TNFRSF9: variants seen among roughly 807,000 people sequenced by gnomAD.
TNFRSF9 encodes tumor necrosis factor receptor superfamily member 9.
TNFRSF9 carries 16 observed loss-of-function variants against 28.8 expected under a neutral mutation model. That is an observed-to-expected ratio of 0.55 (90% CI 0.38 to 0.84). The LOEUF is 0.84. Ranked by LOEUF, TNFRSF9 falls within the 40% of genes least tolerant of loss-of-function variation. The probability of loss-of-function intolerance (pLI) is 0.00; values close to 1 mark genes in which losing one functional copy is unlikely to be tolerated. For missense variants in TNFRSF9, 303 were observed against 315.0 expected (o/e 0.96, Z 0.29); for synonymous variants, 131 against 117.0 (o/e 1.12, Z -0.77).
Position 7,916,982 on chromosome 1 carries a change from T to C in TNFRSF9, c.*3853A>G, listed in dbSNP as rs984607480. 3 of 152,108 alleles carry C rather than the reference T, an allele frequency of 2.0e-5. No homozygotes were observed. Among genetic ancestry groups the C allele is most frequent in the African/African-American group, 7.2e-5 (3 of 41,392 alleles). 9.4% of individuals were successfully genotyped at this position (152,108 alleles called of 1,614,324 possible). ...TTTCGCTCTGTCACCCAGGCTGGAG[T>C]GCAATGGTACGATCTCGGCTCACTG... On this transcript the variant is annotated 3_prime_UTR_variant, in exon 8 of 8. Coordinates refer to ENST00000377507, the MANE Select transcript of TNFRSF9 (RefSeq NM_001561.6).
chr1:7,923,451 C>T (rs1036842853), intron 7 of TNFRSF9, among the ~76,000 whole-genome samples: 5 of 152,178 alleles, frequency 3.3e-5, no homozygotes, highest in African/African-American at 7.2e-5. Context: ...AGAACCCAAA[C>T]TTCCTCCACC....
At position 7,940,067 on chromosome 1, in the gene TNFRSF9, A is replaced by C; in HGVS notation, c.-73T>G. ...AATTTTAATCAAATTAGCTGGTCTC[A>C]CAAATGTCACTCTGCAAAAGATAAA... On this transcript the variant is annotated 5_prime_UTR_variant, in exon 2 of 8. Coordinates refer to ENST00000377507, the MANE Select transcript of TNFRSF9 (RefSeq NM_001561.6). 3.8e-6 allele frequency: 4 copies of C among 1,052,270 alleles called. No individual in the cohort carries two copies. Among genetic ancestry groups the C allele is most frequent in the Non-Finnish European group, 5.8e-6 (4 of 694,804 alleles). 65.2% of individuals were successfully genotyped at this position (1,052,270 alleles called of 1,614,324 possible).
rs951355910 is a variant in TNFRSF9, at chr1:7,920,067, C to A, written c.*768G>T. 10 of 152,186 alleles carry A rather than the reference C, an allele frequency of 6.6e-5. No individual in the cohort carries two copies. Among genetic ancestry groups the A allele is most frequent in the Non-Finnish European group, 1.3e-4 (9 of 68,038 alleles). The allele number at this position is 152,186 out of a possible 1,614,324, so 9.4% of individuals were successfully genotyped here. A position where few individuals can be genotyped will look rare whatever the true frequency, so the allele number is the denominator to read the frequency against. ...AACTCAGGCACTCTGCTCATACTCC[C>A]CCCTGACGGTGGAGCATGTCGTGTT... On this transcript the variant is annotated 3_prime_UTR_variant, in exon 8 of 8. Coordinates refer to ENST00000377507, the MANE Select transcript of TNFRSF9 (RefSeq NM_001561.6).
chr1:7,935,256 G>C, intron 5 of TNFRSF9, 113 bp from the exon 6 acceptor site: 2 of 1,238,826 alleles, frequency 1.6e-6, no homozygotes, highest in Non-Finnish European at 2.2e-6. Flanking sequence ...AAGATATATG[G>C]GTCTGGGTTC....
intron 5 of TNFRSF9, 44 bp from the exon 6 acceptor site, chr1:7,935,187 C>G (rs1316681627): frequency 6.3e-7 from 1 of 1,592,694 alleles, no homozygotes; most frequent in Non-Finnish European, 8.6e-7. Flanking sequence ...TAACTTAGGT[C>G]CAGAAGATTC....
chr1:7,933,150 T>G lies in TNFRSF9; in HGVS notation c.679+12A>C. 1 of 1,600,274 alleles carries G rather than the reference T, an allele frequency of 6.2e-7. No individual in the cohort carries two copies. The highest frequency in any genetic ancestry group is 1.1e-5 in the South Asian group (1 of 88,430). The stretch of plus-strand genomic sequence containing the variant: ...CCTTGCCAGAGCTGTAATATGATTA[T>G]GTTAATCTTACGTTGTTTGAATATA... On this transcript the variant is annotated intron_variant, in intron 7 of 7. Coordinates refer to ENST00000377507, the MANE Select transcript of TNFRSF9 (RefSeq NM_001561.6).
At chr1:7,929,295 A>G (rs188976449) in intron 7 of TNFRSF9, among the ~76,000 whole-genome samples, 83 of 150,820 alleles carry the variant, frequency 5.5e-4, no homozygotes, top group Non-Finnish European at 9.6e-4. Context: ...CCTCCCAAGT[A>G]TCTGGGATTA....
At chr1:7,926,918 T>A (rs566122351) in intron 7 of TNFRSF9, among the ~76,000 whole-genome samples, 1 of 152,086 alleles carries the variant, frequency 6.6e-6, no homozygotes, top group Non-Finnish European at 1.5e-5. Flanking sequence ...TCACACCTTA[T>A]ACGAAAAATT....
intron 5 of TNFRSF9, among the ~76,000 whole-genome samples, chr1:7,936,019 T>C (rs1044688325): frequency 6.6e-6 from 1 of 152,182 alleles, no homozygotes; most frequent in African/African-American, 2.4e-5. Context: ...TCCCTTTACC[T>C]ACCCCAAATC....
chr1:7,930,667 G>A (rs1472857013), intron 7 of TNFRSF9, among the ~76,000 whole-genome samples: 1 of 152,104 alleles, frequency 6.6e-6, no homozygotes, highest in Admixed American at 6.5e-5. Flanking sequence ...TATTTAGTAG[G>A]CTGAGGCAGG....
chr1:7,935,119 C>A lies in TNFRSF9; in HGVS notation c.438G>T (p.Val146=). The change falls in exon 6 of 8, where the codon GTG becomes GTT. Residue 146 remains valine (V), a synonymous_variant. Transcript: ENST00000377507. ...WTNCSLDGKS[V]LVNGTKERDV... ...CCCTCTCCTTCGTCCCATTCACAAG[C>A]ACAGACTTTCCATCCAAAGAACAGC... 6.2e-7 allele frequency: 1 copy of A among 1,614,248 alleles called. No homozygotes were observed. Among genetic ancestry groups the A allele is most frequent in the Non-Finnish European group, 8.5e-7 (1 of 1,180,048 alleles).
In TNFRSF9 at chr1:7,923,787, G is replaced by A. The variant is rs28780757; in HGVS notation, c.680-2864C>T. On this transcript the variant is annotated intron_variant, in intron 7 of 7. Coordinates refer to ENST00000377507, the MANE Select transcript of TNFRSF9 (RefSeq NM_001561.6). ...CAGGAAGTTGAGGCTGCATTGAGGC[G>A]TGATCATGCCACTGCACTCCCGCCT... 9.4e-3 allele frequency among the ~76,000 whole-genome samples: 1,430 copies of A among 152,190 alleles called. 27 individuals are homozygous for A. The highest frequency in any genetic ancestry group is 0.033 in the African/African-American group (1,363 of 41,524).
At chr1:7,934,910 T>G in intron 6 of TNFRSF9, 103 bp downstream of exon 6, 1 of 1,462,424 alleles carries the variant, frequency 6.8e-7, no homozygotes, top group Non-Finnish European at 9.3e-7. Flanking sequence ...AGAATGCACG[T>G]GGGAGGTGCC....
At chr1:7,926,952 A>G (rs1047027971) in intron 7 of TNFRSF9, among the ~76,000 whole-genome samples, 1 of 152,170 alleles carries the variant, frequency 6.6e-6, no homozygotes, top group Admixed American at 6.6e-5. Context: ...GCATGGGCAC[A>G]GTGGCTCACA....
In TNFRSF9 at chr1:7,919,810, T is replaced by C. The variant is rs896253723; in HGVS notation, c.*1025A>G. 1.3e-5 allele frequency: 2 copies of C among 152,250 alleles called. No homozygotes were observed. The highest frequency in any genetic ancestry group is 1.3e-4 in the Admixed American group (2 of 15,284). The allele number at this position is 152,250 out of a possible 1,614,324, so 9.4% of individuals were successfully genotyped here. A position where few individuals can be genotyped will look rare whatever the true frequency, so the allele number is the denominator to read the frequency against. On this transcript the variant is annotated 3_prime_UTR_variant, in exon 8 of 8. Transcript: ENST00000377507. ...CTAGTGCTGTGGTAGGACAATGAGC[T>C]CACAGGTGTTAATTTTCTCACTGTA...
In TNFRSF9 at chr1:7,922,929, G is replaced by A. The variant is rs1639584265; in HGVS notation, c.680-2006C>T. ...TTTTCTTTTTTTTTTTTGAGATGGA[G>A]TCTCACTCTGTTGCCCAGGCTGGAG... On this transcript the variant is annotated intron_variant, in intron 7 of 7. Transcript: ENST00000377507. Among the ~76,000 whole-genome samples, 2 of 146,948 alleles carry A rather than the reference G, an allele frequency of 1.4e-5. 1 individual carries two copies. The highest frequency in any genetic ancestry group is 4.3e-4 in the South Asian group (2 of 4,620).
chr1:7,937,834 A>C, intron 4 of TNFRSF9, 78 bp from the exon 5 acceptor site: 1 of 1,262,470 alleles, frequency 7.9e-7, no homozygotes, highest in Non-Finnish European at 1.2e-6. Flanking sequence ...TGAACTTAAT[A>C]TAAGTCATTA....
In TNFRSF9 at chr1:7,920,007, T is replaced by G. The variant is rs1007053439; in HGVS notation, c.*828A>C. On this transcript the variant is annotated 3_prime_UTR_variant, in exon 8 of 8. Coordinates refer to ENST00000377507, the MANE Select transcript of TNFRSF9 (RefSeq NM_001561.6). ...AGACACTTGAACTCTTTCCAAAACT[T>G]CCTCCAGGCCTGAGGTTTTTTGTCC... 6.6e-6 allele frequency: 1 copy of G among 152,240 alleles called. No homozygotes were observed. The highest frequency in any genetic ancestry group is 1.5e-5 in the Non-Finnish European group (1 of 68,032). 9.4% of individuals were successfully genotyped at this position (152,240 alleles called of 1,614,324 possible).
rs1338814900 is a variant in TNFRSF9 at position 7,916,551 on chromosome 1, G to C, written c.*4284C>G. The C allele has an allele frequency of 6.6e-6, 1 of 152,128 alleles. No homozygotes were observed. The highest frequency in any genetic ancestry group is 2.4e-5 in the African/African-American group (1 of 41,406). 9.4% of individuals were successfully genotyped at this position (152,128 alleles called of 1,614,324 possible). ...TATCTTGGATACCCCAACCCTGTGG[G>C]GCATGACCAGTCTCTTTCTGTTTGT... On this transcript the variant is annotated 3_prime_UTR_variant, in exon 8 of 8. Transcript: ENST00000377507.
Sources: gnomAD v4.1 joint callset for allele counts (sites outside exome capture counted in the v4.1 genomes callset) on GRCh38, gnomAD v4.1.1 for gene constraint, MANE v1.5 for transcripts, NCBI Gene and HGNC (gene_info 2026-07-23, HGNC 2026-07-21) for gene names.